Variants in EEPD1 observed in about 807,000 individuals in gnomAD.
EEPD1 encodes the protein endonuclease/exonuclease/phosphatase family domain containing 1, also known as endonuclease/exonuclease/phosphatase family domain-containing protein 1.
In EEPD1, 17 loss-of-function variants were observed where a neutral mutation model predicts 46.3. That is an observed-to-expected ratio of 0.37 (90% confidence interval 0.25 to 0.55). EEPD1 has a LOEUF of 0.55. EEPD1 is among the 20% of genes least tolerant of loss of function. EEPD1 has a pLI of 0.83. For missense variants in EEPD1, 673 were observed against 745.6 expected (o/e 0.90, Z 1.13); for synonymous variants, 313 against 315.6 (o/e 0.99, Z 0.09).
chr7:36,241,186 C>T (rs2115788323), intron 3 of EEPD1, among the ~76,000 whole-genome samples: 1 of 152,128 alleles, frequency 6.6e-6, no homozygotes, highest in Non-Finnish European at 1.5e-5. Flanking sequence ...TTAAAAAAAC[C>T]ATCAGATGGC....
intron 3 of EEPD1, among the ~76,000 whole-genome samples, chr7:36,257,560 A>C (rs371733134): frequency 6.6e-6 from 1 of 151,810 alleles, no homozygotes; most frequent in African/African-American, 2.4e-5. Context: ...TTCACGCTTT[A>C]TTTCATTAAG....
intron 7 of EEPD1, 105 bp downstream of exon 7, chr7:36,297,292 T>C: frequency 2.3e-6 from 3 of 1,303,964 alleles, no homozygotes; most frequent in Non-Finnish European, 3.2e-6. Flanking sequence ...ATACATAGGA[T>C]TGTGGTTTAC....
At chr7:36,280,933 G>A (rs978062874) in intron 3 of EEPD1, 182 bp from the exon 4 acceptor site, 5 of 529,698 alleles carry the variant, frequency 9.4e-6, no homozygotes, top group African/African-American at 7.5e-5. Flanking sequence ...TTAATGTGTG[G>A]TGCTTGTTTA....
At chr7:36,214,998 C>T (rs1434262856) in intron 2 of EEPD1, among the ~76,000 whole-genome samples, 1 of 152,144 alleles carries the variant, frequency 6.6e-6, no homozygotes, top group Admixed American at 6.5e-5. Flanking sequence ...GGTTCTGAGC[C>T]AGTGAGGAGC....
intron 2 of EEPD1, among the ~76,000 whole-genome samples, chr7:36,210,795 A>G (rs1785914774): frequency 6.6e-6 from 1 of 152,184 alleles, no homozygotes; most frequent in South Asian, 2.1e-4. Context: ...CCTCTGCTCA[A>G]ATGGCTTCTC....
At chr7:36,215,474 T>C (rs181177363) in intron 2 of EEPD1, among the ~76,000 whole-genome samples, 1 of 152,306 alleles carries the variant, frequency 6.6e-6, no homozygotes, top group African/African-American at 2.4e-5. Context: ...TGCACAGATA[T>C]CTAGAGGCCA....
At chr7:36,236,211 CCGG>C (rs2115776224) in intron 2 of EEPD1, among the ~76,000 whole-genome samples, 1 of 152,372 alleles carries the variant, frequency 6.6e-6, no homozygotes, top group South Asian at 2.1e-4. Context: ...AGCCCTTCAG[CCGG>C]CGGCTGCGCT....
rs376360122 is a variant in EEPD1 at position 36,219,457 on chromosome 7, T to TGAGCCCAG, written c.879-19525_879-19524insCCCAGGAG. ...GGGAGGCCGAGGCAAGAGGATTGCT[T>TGAGCCCAG]GAGTTTGAAACCAGCCTGAGCAACT... On this transcript the variant is annotated intron_variant, in intron 2 of 7. Coordinates refer to ENST00000242108, the MANE Select transcript of EEPD1 (RefSeq NM_030636.3). Among the ~76,000 whole-genome samples the TGAGCCCAG allele has an allele frequency of 9.6e-3, 1,449 of 150,578 alleles. 18 individuals are homozygous for TGAGCCCAG. Among genetic ancestry groups the TGAGCCCAG allele is most frequent in the African/African-American group, 0.033 (1,362 of 40,848 alleles).
At chr7:36,271,884 GTATTC>G (rs1787111078) in intron 3 of EEPD1, among the ~76,000 whole-genome samples, 5 of 10,066 alleles carry the variant, frequency 5.0e-4, no homozygotes, top group Non-Finnish European at 1.6e-3. Context: ...CTATTCTATT[GTATTC>G]TATTCTATTC....
rs775572213 is a variant in EEPD1, at chr7:36,154,967, G to T, written c.643G>T (p.Ala215Ser). The T allele has an allele frequency of 1.2e-6, 2 of 1,613,766 alleles. No individual in the cohort carries two copies. The highest frequency in any genetic ancestry group is 3.3e-5 in the Admixed American group (2 of 60,000). ...THTNGGLTFT[A>S]KPHPSPTSLS... Reference sequence around the variant, plus strand: ...CACGAACGGGGGACTGACCTTCACCGCCAAGCCTCACCCGAGCCCCACTTC... The same window carrying T: ...CACGAACGGGGGACTGACCTTCACCTCCAAGCCTCACCCGAGCCCCACTTC... The change falls in exon 2 of 8, where the codon GCC becomes TCC. Residue 215 changes from alanine (A) to serine (S), a missense_variant. By Grantham distance (99) the Ala-to-Ser change is moderately conservative (BLOSUM62 1). Transcript: ENST00000242108. The surrounding 1 kb of genome is among the most constrained non-coding windows in gnomAD (Gnocchi z 4.2).
chr7:36,298,673 C>T (rs915113163), intron 7 of EEPD1, among the ~76,000 whole-genome samples: 6 of 152,142 alleles, frequency 3.9e-5, no homozygotes, highest in Non-Finnish European at 7.3e-5. Flanking sequence ...CTTTATGAGG[C>T]GTCTGTCTCT....
At chr7:36,168,417 G>A (rs1233122702) in intron 2 of EEPD1, among the ~76,000 whole-genome samples, 1 of 152,136 alleles carries the variant, frequency 6.6e-6, no homozygotes, top group African/African-American at 2.4e-5. Flanking sequence ...TAGATGCAGA[G>A]GTAGCAAATC....
At chr7:36,213,431 T>G (rs535225967) in intron 2 of EEPD1, among the ~76,000 whole-genome samples, 9 of 152,296 alleles carry the variant, frequency 5.9e-5, no homozygotes, top group Admixed American at 1.3e-4. Flanking sequence ...TGCGAGGCAC[T>G]GTAGTTAGAG....
Position 36,193,115 on chromosome 7 carries a change from C to A in EEPD1, c.878+37913C>A, listed in dbSNP as rs73686997. Among the ~76,000 whole-genome samples the A allele has an allele frequency of 6.6e-6, 1 of 152,122 alleles. No individual in the cohort carries two copies. The highest frequency in any genetic ancestry group is 2.1e-4 in the South Asian group (1 of 4,830). Reference sequence around the variant, plus strand: ...CCCCAGCCCAGTGGGGGAGGCAAGCCGGGCACAGAGCAGTGCGTCATGATG... The same window carrying A: ...CCCCAGCCCAGTGGGGGAGGCAAGCAGGGCACAGAGCAGTGCGTCATGATG... On this transcript the variant is annotated intron_variant, in intron 2 of 7. Transcript: ENST00000242108. The surrounding 1 kb of genome is among the most constrained non-coding windows in gnomAD (Gnocchi z 4.9).
At chr7:36,253,713 G>T (rs543067724) in intron 3 of EEPD1, among the ~76,000 whole-genome samples, 1 of 152,192 alleles carries the variant, frequency 6.6e-6, no homozygotes, top group South Asian at 2.1e-4. Context: ...TCTAGTAACA[G>T]ATTTTTTTAA....
At chr7:36,170,649 G>A (rs1785062971) in intron 2 of EEPD1, among the ~76,000 whole-genome samples, 2 of 148,204 alleles carry the variant, frequency 1.3e-5, no homozygotes, top group South Asian at 4.3e-4. Context: ...GATTCCAAGT[G>A]CAAAGTATTA....
chr7:36,222,752 T>G lies in EEPD1; in HGVS notation c.879-16233T>G, dbSNP rs114532744. 7.5e-3 allele frequency among the ~76,000 whole-genome samples: 1,137 copies of G among 152,280 alleles called. 6 individuals are homozygous for G. Among genetic ancestry groups the G allele is most frequent in the African/African-American group, 0.026 (1,066 of 41,538 alleles). ...TGGCATCTTCTAGCGGGGTCCCCAC[T>G]TGGTGGAAGGAGCAAAGCAGCTCTC... is the stretch of plus-strand genomic sequence containing the variant. On this transcript the variant is annotated intron_variant, in intron 2 of 7. Transcript: ENST00000242108.
At chr7:36,161,308 C>T (rs1784898359) in intron 2 of EEPD1, among the ~76,000 whole-genome samples, 1 of 152,166 alleles carries the variant, frequency 6.6e-6, no homozygotes, top group Non-Finnish European at 1.5e-5. Flanking sequence ...GCAGGTATTT[C>T]CAGGATGATG....
intron 3 of EEPD1, among the ~76,000 whole-genome samples, chr7:36,271,962 G>A (rs1787112953): frequency 6.6e-6 from 1 of 151,644 alleles, no homozygotes; most frequent in Non-Finnish European, 1.5e-5. Flanking sequence ...GCCCACTGCA[G>A]TCTTCACCTC....
Sources: gnomAD v4.1 joint callset for allele counts (sites outside exome capture counted in the v4.1 genomes callset) on GRCh38, gnomAD v4.1.1 for gene constraint, Gnocchi (gnomAD v3.1) non-coding constraint, MANE v1.5 for transcripts, NCBI Gene and HGNC (gene_info 2026-07-23, HGNC 2026-07-21) for gene names.